The following PDE4D variants were observed in gnomAD, a reference collection of about 807,000 sequenced individuals.
PDE4D encodes phosphodiesterase 4D.
Under a neutral mutation model 87.4 loss-of-function variants are expected in PDE4D, and 24 were observed. The observed-to-expected ratio is 0.27, with a 90% confidence interval of 0.20 to 0.39. The LOEUF is 0.39. Among genes scored for constraint, PDE4D ranks in the 10% least tolerant of loss-of-function variants. The pLI is 1.00. For missense variants in PDE4D, 714 were observed against 1,041.0 expected (o/e 0.69, Z 4.32); for synonymous variants, 384 against 383.2 (o/e 1.00, Z -0.02).
intron 1 of PDE4D, among the ~76,000 whole-genome samples, chr5:59,648,579 TTG>T (rs1742856067): frequency 1.3e-5 from 2 of 152,236 alleles, no homozygotes; most frequent in East Asian, 3.9e-4. Context: ...AACTGATAGG[TTG>T]TGTTTGGACT....
intron 1 of PDE4D, among the ~76,000 whole-genome samples, chr5:60,229,392 T>C (rs1745540441): frequency 6.6e-6 from 1 of 152,156 alleles, no homozygotes; most frequent in African/African-American, 2.4e-5. Flanking sequence ...AAAGCATTGT[T>C]TTTGTCAGTC....
chr5:59,266,303 C>T lies in PDE4D; in HGVS notation c.456-50335G>A, dbSNP rs1762852877. On this transcript the variant is annotated intron_variant, in intron 1 of 14. Transcript: ENST00000340635. ...TATATATATATATTCTTCAACAAAT[C>T]TTTTTACCACTTAAGCATTGACATT... Among the ~76,000 whole-genome samples the T allele has an allele frequency of 2.6e-5, 4 of 151,700 alleles. No homozygotes were observed. The South Asian group carries it at 8.3e-4, about 32-fold the overall frequency.
intron 1 of PDE4D, among the ~76,000 whole-genome samples, chr5:60,471,935 A>C (rs1046734063): frequency 6.6e-6 from 1 of 152,072 alleles, no homozygotes; most frequent in Non-Finnish European, 1.5e-5. Context: ...ATGGCCTATT[A>C]GGTATCCCCA....
chr5:60,406,353 C>T (rs531150416), intron 1 of PDE4D, among the ~76,000 whole-genome samples: 1 of 152,204 alleles, frequency 6.6e-6, no homozygotes, highest in African/African-American at 2.4e-5. Flanking sequence ...TCTGCTATCC[C>T]AAACTCTTTC....
intron 5 of PDE4D, among the ~76,000 whole-genome samples, chr5:59,082,211 G>A (rs1233290380): frequency 6.6e-6 from 1 of 152,120 alleles, no homozygotes; most frequent in Non-Finnish European, 1.5e-5. Context: ...AGCACTCTCA[G>A]TACAATAAGA....
intron 1 of PDE4D, among the ~76,000 whole-genome samples, chr5:59,506,649 T>C (rs1356808429): frequency 6.6e-6 from 1 of 152,068 alleles, no homozygotes; most frequent in Non-Finnish European, 1.5e-5. Flanking sequence ...AGGAATAGTT[T>C]CCCATACAGA....
chr5:59,921,895 A>C (rs928740658), intron 3 of PDE4D, among the ~76,000 whole-genome samples: 3 of 152,242 alleles, frequency 2.0e-5, no homozygotes, highest in African/African-American at 7.2e-5. Context: ...AAATCAGGTG[A>C]GCAATCTCTG....
At chr5:59,793,890 G>A (rs1766117298) in intron 1 of PDE4D, among the ~76,000 whole-genome samples, 1 of 152,138 alleles carries the variant, frequency 6.6e-6, no homozygotes, top group African/African-American at 2.4e-5. Flanking sequence ...GGTATAAATG[G>A]TGATCATCTG....
At chr5:59,306,797 A>C (rs1416366270) in intron 1 of PDE4D, among the ~76,000 whole-genome samples, 1 of 135,878 alleles carries the variant, frequency 7.4e-6, no homozygotes, top group Non-Finnish European at 1.6e-5. Context: ...AGGTAATTTA[A>C]AGATTCAATG....
chr5:60,282,437 C>T (rs77688088), intron 1 of PDE4D, among the ~76,000 whole-genome samples: 4,145 of 152,044 alleles, frequency 0.027, 165 homozygotes, highest in African/African-American at 0.095. Flanking sequence ...ACAGTGAAAA[C>T]ATTCTTTTTC....
At chr5:59,691,412 C>G (rs1303713961) in intron 1 of PDE4D, among the ~76,000 whole-genome samples, 1 of 151,994 alleles carries the variant, frequency 6.6e-6, no homozygotes, top group Non-Finnish European at 1.5e-5. Context: ...GAGTTCATGT[C>G]CTTTGTAGGG....
At chr5:59,621,691 G>T (rs1234606760) in intron 1 of PDE4D, among the ~76,000 whole-genome samples, 1 of 152,182 alleles carries the variant, frequency 6.6e-6, no homozygotes, top group African/African-American at 2.4e-5. Context: ...ATAAACAACA[G>T]TAGTCAGAAT....
At chr5:59,922,039 G>A (rs539722593) in intron 3 of PDE4D, among the ~76,000 whole-genome samples, 14 of 152,158 alleles carry the variant, frequency 9.2e-5, no homozygotes, top group Admixed American at 4.6e-4. Context: ...CTTTGTGCTC[G>A]GGGGAGGGAG....
intron 2 of PDE4D, among the ~76,000 whole-genome samples, chr5:60,183,994 C>T (rs768317590): frequency 1.3e-5 from 2 of 152,076 alleles, no homozygotes; most frequent in Non-Finnish European, 2.9e-5. Context: ...AATGAGAGTT[C>T]TACTGTTTAC....
chr5:60,171,013 TAAAG>T (rs1203569027), intron 2 of PDE4D, among the ~76,000 whole-genome samples: 5 of 152,108 alleles, frequency 3.3e-5, no homozygotes, highest in African/African-American at 1.2e-4. Context: ...ATTGTTGAAA[TAAAG>T]AAACTATCTT....
At chr5:59,533,287 T>C (rs1426270854) in intron 1 of PDE4D, among the ~76,000 whole-genome samples, 1 of 152,236 alleles carries the variant, frequency 6.6e-6, no homozygotes, top group African/African-American at 2.4e-5. Context: ...GTCAATTTTA[T>C]TAAATTTTTT....
intron 1 of PDE4D, among the ~76,000 whole-genome samples, chr5:59,223,227 C>T (rs1451485536): frequency 6.6e-6 from 1 of 152,148 alleles, no homozygotes; most frequent in African/African-American, 2.4e-5. Flanking sequence ...ATATTACTCA[C>T]TGAGGAGAAA....
intron 1 of PDE4D, among the ~76,000 whole-genome samples, chr5:60,300,349 G>T (rs146812649): frequency 4.6e-5 from 7 of 151,770 alleles, no homozygotes; most frequent in Non-Finnish European, 1.0e-4. Flanking sequence ...TCTGTAAGCT[G>T]TCTGTTCACT....
intron 1 of PDE4D, among the ~76,000 whole-genome samples, chr5:59,272,455 C>T (rs78146989): frequency 0.036 from 5,403 of 152,088 alleles, 111 homozygotes; most frequent in African/African-American, 0.052. Context: ...ATTCTGCAAT[C>T]AATGAATCTG....
Sources: gnomAD v4.1 joint callset for allele counts (sites outside exome capture counted in the v4.1 genomes callset) on GRCh38, gnomAD v4.1.1 for gene constraint, MANE v1.5 for transcripts, NCBI Gene and HGNC (gene_info 2026-07-23, HGNC 2026-07-21) for gene names.